Variants in MCM10 observed in about 807,000 individuals in gnomAD.
The protein encoded by MCM10 is protein MCM10 homolog.
A neutral mutation model predicts 109.9 loss-of-function variants in MCM10; 91 were observed. The observed-to-expected ratio is 0.83, with a 90% CI of 0.70 to 0.99. MCM10 has a LOEUF of 0.99. Among genes scored for constraint, MCM10 ranks in the 50% least tolerant of loss-of-function variants. The pLI is 0.00. For missense variants in MCM10, 1,077 were observed against 1,061.2 expected (o/e 1.01, Z -0.21); for synonymous variants, 380 against 387.2 (o/e 0.98, Z 0.22).
chr10:13,195,007 C>G, intron 13 of MCM10, 34 bp from the exon 14 acceptor site: 1 of 1,585,558 alleles, frequency 6.3e-7, no homozygotes, highest in East Asian at 2.3e-5. Flanking sequence ...TTCGTAAACC[C>G]TGTTTGCGTA....
chr10:13,191,831 T>C (rs771394754), intron 11 of MCM10, among the ~76,000 whole-genome samples: 26 of 152,210 alleles, frequency 1.7e-4, no homozygotes, highest in Non-Finnish European at 3.4e-4. Flanking sequence ...CAGTATTATC[T>C]TCCTGGCCAA....
At chr10:13,173,604 A>G (rs1278909915) in intron 5 of MCM10, among the ~76,000 whole-genome samples, 1 of 152,160 alleles carries the variant, frequency 6.6e-6, no homozygotes, top group African/African-American at 2.4e-5. Context: ...ACAGCATTTT[A>G]TTGGCTGCAC....
At chr10:13,190,026 T>G (rs528831278) in intron 10 of MCM10, among the ~76,000 whole-genome samples, 1 of 152,240 alleles carries the variant, frequency 6.6e-6, no homozygotes, top group South Asian at 2.1e-4. Flanking sequence ...GTTTATGAAT[T>G]TGTGTTGGGC....
In MCM10 at chr10:13,186,051, T is replaced by G; in HGVS notation, c.1099-113T>G. On this transcript the variant is annotated intron_variant, in intron 8 of 19. Coordinates refer to ENST00000378714, the MANE Select transcript of MCM10 (RefSeq NM_018518.5). ...TGCTAGGATTATAGGTGTGAGCCACTGCGCCTGGCAATAACCTTCTTAAAT... is the reference window on the plus strand; with the variant it reads ...TGCTAGGATTATAGGTGTGAGCCACGGCGCCTGGCAATAACCTTCTTAAAT... 1.2e-5 allele frequency: 8 copies of G among 654,404 alleles called. No individual in the cohort carries two copies. In the Middle Eastern group the frequency reaches 2.2e-3, roughly 184 times the overall value. 40.5% of individuals were successfully genotyped at this position (654,404 alleles called of 1,614,324 possible).
chr10:13,183,497 AT>A (rs763637919), intron 8 of MCM10, among the ~76,000 whole-genome samples: 1 of 152,138 alleles, frequency 6.6e-6, no homozygotes, highest in African/African-American at 2.4e-5. Flanking sequence ...AAAATAAGTC[AT>A]GCTTTTATGT....
At chr10:13,208,998 G>A in intron 18 of MCM10, 93 bp from the exon 19 acceptor site, 1 of 840,494 alleles carries the variant, frequency 1.2e-6, no homozygotes, top group South Asian at 1.4e-5. Flanking sequence ...CCTTGAATGG[G>A]GGCCTACTCT....
intron 18 of MCM10, among the ~76,000 whole-genome samples, chr10:13,208,237 G>A (rs1834610319): frequency 6.6e-6 from 1 of 151,786 alleles, no homozygotes; most frequent in Non-Finnish European, 1.5e-5. Context: ...ATTTAAAAAT[G>A]AGCTGGGCAT....
chr10:13,204,998 GTATGTA>G (rs1403314595), intron 18 of MCM10, among the ~76,000 whole-genome samples: 312 of 19,386 alleles, frequency 0.016, 6 homozygotes, highest in Admixed American at 0.035. Flanking sequence ...ATGTATGTAT[GTATGTA>G]TATATATATA....
Position 13,172,591 on chromosome 10 carries a change from G to C in MCM10, c.455-37G>C, listed in dbSNP as rs1346768742. The C allele has an allele frequency of 6.2e-7, 1 of 1,611,466 alleles. No homozygotes were observed. Among genetic ancestry groups the C allele is most frequent in the Non-Finnish European group, 8.5e-7 (1 of 1,178,726 alleles). ...CAGCCCTTTGAACCTCTTTCTGAAT[G>C]GGTTTTTACTCACTTATTTTACTTT... On this transcript the variant is annotated intron_variant, in intron 4 of 19. Coordinates refer to ENST00000378714, the MANE Select transcript of MCM10 (RefSeq NM_018518.5). This position sits in a 1 kb window ranked among gnomAD's most constrained non-coding sequence, Gnocchi z 5.2.
intron 16 of MCM10, among the ~76,000 whole-genome samples, chr10:13,199,350 G>T (rs572672789): frequency 8.5e-4 from 130 of 152,310 alleles, no homozygotes; most frequent in African/African-American, 3.0e-3. Context: ...GACTTAAATA[G>T]ATATCAATAT....
Position 13,172,394 on chromosome 10 carries a change from A to G in MCM10, c.368A>G (p.Gln123Arg), listed in dbSNP as rs1316666686. The change falls in exon 4 of 20, where the codon CAA (glutamine) becomes CGA (arginine). Residue 123 changes from glutamine (Q) to arginine (R), a missense_variant. Gln to Arg is a conservative substitution (Grantham distance 43). Transcript: ENST00000378714. This position sits in a 1 kb window ranked among gnomAD's most constrained non-coding sequence, Gnocchi z 5.2. ...TTCCTAGAGGAATTAAGGAATTTGC[A>G]AGAGCAAATGAAGGCCTTACAAGAG... ...EELQEELRNL[Q>R]EQMKALQEQL... 3.7e-6 allele frequency: 6 copies of G among 1,612,390 alleles called. No homozygotes were observed. The highest frequency in any genetic ancestry group is 5.1e-6 in the Non-Finnish European group (6 of 1,178,866).
chr10:13,197,707 C>T lies in MCM10; in HGVS notation c.2059C>T (p.Pro687Ser), dbSNP rs1564391835. 1 of 1,613,922 alleles carries T rather than the reference C, an allele frequency of 6.2e-7. No homozygotes were observed. The highest frequency in any genetic ancestry group is 2.2e-5 in the East Asian group (1 of 44,852). Residue 687 changes from proline (P) to serine (S), a missense_variant, in exon 15 of 20, where the codon CCT becomes TCT. Pro to Ser is a moderately conservative substitution (Grantham distance 74). Transcript: ENST00000378714. ...PNSIKKKQKDPQDILEVKERV... is the reference protein window; with the variant it reads ...PNSIKKKQKDSQDILEVKERV... The stretch of plus-strand genomic sequence containing the variant: ...CAGCATTAAGAAGAAACAAAAGGAC[C>T]CTCAGGACATCCTGGAGGTGAAGGA...
chr10:13,165,394 T>C (rs1219458712), intron 2 of MCM10, among the ~76,000 whole-genome samples: 1 of 152,204 alleles, frequency 6.6e-6, no homozygotes. Flanking sequence ...GTGAAACTCA[T>C]TGCCTGATGC....
chr10:13,194,934 T>C, intron 13 of MCM10, 107 bp from the exon 14 acceptor site: 6 of 910,330 alleles, frequency 6.6e-6, no homozygotes, highest in Non-Finnish European at 1.0e-5. Context: ...TGCTAACAAC[T>C]AGCTCCCAAC....
intron 17 of MCM10, 119 bp downstream of exon 17, chr10:13,201,653 G>A (rs1834501428): frequency 1.3e-6 from 1 of 755,684 alleles, no homozygotes; most frequent in Non-Finnish European, 2.2e-6. Flanking sequence ...CAGTTAATTA[G>A]GCTGGAAAGC....
chr10:13,165,158 C>T (rs1250172881), intron 2 of MCM10, among the ~76,000 whole-genome samples: 3 of 151,940 alleles, frequency 2.0e-5, no homozygotes, highest in South Asian at 2.1e-4. Context: ...TACATACATA[C>T]GTGTGATAAA....
At chr10:13,178,432 A>T (rs1834169042) in intron 6 of MCM10, among the ~76,000 whole-genome samples, 1 of 152,206 alleles carries the variant, frequency 6.6e-6, no homozygotes, top group Non-Finnish European at 1.5e-5. Flanking sequence ...GGCGAGAGAT[A>T]GGGATCTAGT....
At chr10:13,199,883 C>T (rs555041362) in intron 16 of MCM10, among the ~76,000 whole-genome samples, 97 of 152,108 alleles carry the variant, frequency 6.4e-4, no homozygotes, top group Non-Finnish European at 1.1e-3. Flanking sequence ...ACAGGGTCTC[C>T]GTATGTTCCC....
intron 15 of MCM10, 76 bp downstream of exon 15, chr10:13,197,843 A>T: frequency 6.9e-7 from 1 of 1,452,770 alleles, no homozygotes; most frequent in Non-Finnish European, 9.3e-7. Flanking sequence ...CCAAACCAGC[A>T]CCCAGATATC....
Sources: allele counts gnomAD v4.1 joint callset (sites outside exome capture counted in the v4.1 genomes callset), GRCh38; gene constraint gnomAD v4.1.1; non-coding constraint Gnocchi (gnomAD v3.1); transcripts MANE v1.5; gene names NCBI Gene and HGNC (gene_info 2026-07-23, HGNC 2026-07-21).